Variants in ECT2 observed in about 807,000 individuals in gnomAD.
ECT2 encodes the protein protein ECT2.
In ECT2, 61 loss-of-function variants were observed where a neutral mutation model predicts 116.9. The observed-to-expected ratio is 0.52, with a 90% CI of 0.42 to 0.65. The LOEUF (loss-of-function observed/expected upper bound fraction) is 0.65. ECT2 is among the 30% of genes least tolerant of loss of function. ECT2 has a pLI of 0.00. For missense variants in ECT2, 937 were observed against 1,078.7 expected, an observed-to-expected ratio of 0.87 and a Z score of 1.84; for synonymous variants, 358 against 346.4, an observed-to-expected ratio of 1.03 and a Z score of -0.37.
chr3:172,788,297 C>T (rs1039357167), intron 18 of ECT2, among the ~76,000 whole-genome samples: 1 of 152,154 alleles, frequency 6.6e-6, no homozygotes, highest in Non-Finnish European at 1.5e-5. Flanking sequence ...AAATTGAATT[C>T]TAACAACATC....
Position 172,757,121 on chromosome 3 carries a change from G to T in ECT2, c.442G>T (p.Val148Phe). 6.4e-7 allele frequency: 1 copy of T among 1,560,568 alleles called. No individual in the cohort carries two copies. The highest frequency in any genetic ancestry group is 8.6e-7 in the Non-Finnish European group (1 of 1,159,170). ...FNDLYKADCR[V>F]IGPPVVLNCS... ...TGACCTCTACAAGGCTGATTGTAGA[G>T]TTATTGGACCACCAGTTGTATTAAA... Residue 148 changes from valine (V) to phenylalanine (F), a missense_variant, in exon 5 of 25, where the codon GTT becomes TTT. Coordinates refer to ENST00000392692, the MANE Select transcript of ECT2 (RefSeq NM_001258315.2).
At position 172,797,018 on chromosome 3, in the gene ECT2, C is replaced by CTGTGTGTGTGTGTGTGTG. The variant is rs57188529; in HGVS notation, c.1908-5580_1908-5563dup. On this transcript the variant is annotated intron_variant, in intron 18 of 24. Transcript: ENST00000392692. ...TCTCAGATTCATATATCAGGTTCAA[C>CTGTGTGTGTGTGTGTGTG]TGTGTGTGTGTGTGTGTGTGTGTGT... is the stretch of plus-strand genomic sequence containing the variant. 5.7e-3 allele frequency among the ~76,000 whole-genome samples: 796 copies of CTGTGTGTGTGTGTGTGTG among 139,110 alleles called. 10 individuals are homozygous for CTGTGTGTGTGTGTGTGTG. The highest frequency in any genetic ancestry group is 7.8e-3 in the African/African-American group (290 of 37,138). The allele number at this position is 139,110 out of a possible 152,430, so 91.3% of individuals were successfully genotyped here. A position where few individuals can be genotyped will look rare whatever the true frequency, so the allele number is the denominator to read the frequency against.
At chr3:172,796,150 A>G (rs1310152286) in intron 18 of ECT2, among the ~76,000 whole-genome samples, 1 of 152,216 alleles carries the variant, frequency 6.6e-6, no homozygotes, top group Non-Finnish European at 1.5e-5. Flanking sequence ...TGGTTGTTCC[A>G]GTATCAAAAA....
chr3:172,793,526 C>T (rs993302266), intron 18 of ECT2, among the ~76,000 whole-genome samples: 9 of 151,870 alleles, frequency 5.9e-5, no homozygotes, highest in South Asian at 2.1e-4. Context: ...TGCAGTGGCG[C>T]GATCTCTGCT....
At chr3:172,797,435 CTT>C (rs1725925447) in intron 18 of ECT2, among the ~76,000 whole-genome samples, 2 of 152,140 alleles carry the variant, frequency 1.3e-5, no homozygotes, top group Admixed American at 6.5e-5. Flanking sequence ...GTTGATAACT[CTT>C]TGCTTCAGCT....
intron 14 of ECT2, among the ~76,000 whole-genome samples, chr3:172,775,330 A>C (rs1008815283): frequency 2.0e-5 from 3 of 152,230 alleles, no homozygotes; most frequent in African/African-American, 7.2e-5. Context: ...TTTAGTATAC[A>C]TTATAAACAA....
intron 13 of ECT2, among the ~76,000 whole-genome samples, chr3:172,773,146 TTGA>T (rs1720962878): frequency 6.6e-6 from 1 of 152,220 alleles, no homozygotes; most frequent in Non-Finnish European, 1.5e-5. Flanking sequence ...TCTTACTGTG[TTGA>T]TTCTTTCAAT....
chr3:172,829,030 TG>T, the ECT2 span: 1 of 809,772 alleles, frequency 1.2e-6, no homozygotes, highest in Non-Finnish European at 2.1e-6. Flanking sequence ...TCTGGCCACC[TG>T]GAGTGGGGAG....
At chr3:172,814,039 CAA>C (rs1413181582) in intron 22 of ECT2, among the ~76,000 whole-genome samples, 1 of 151,908 alleles carries the variant, frequency 6.6e-6, no homozygotes, top group Non-Finnish European at 1.5e-5. Context: ...TAAATTGAAA[CAA>C]TATTGACATT....
intron 14 of ECT2, among the ~76,000 whole-genome samples, chr3:172,780,308 C>T (rs1305585389): frequency 6.6e-6 from 1 of 151,966 alleles, no homozygotes; most frequent in Non-Finnish European, 1.5e-5. Context: ...AAATAATATT[C>T]CATTATATGG....
In ECT2 at chr3:172,786,498, A is replaced by G; in HGVS notation, c.1831A>G (p.Lys611Glu). The G allele has an allele frequency of 6.2e-7, 1 of 1,603,676 alleles. No individual in the cohort carries two copies. The highest frequency in any genetic ancestry group is 2.2e-5 in the East Asian group (1 of 44,646). ...AAAACATTGTATTATTACAGATCTTAAGAAGCATACAGCTGATGAAAATCC... is the reference window on the plus strand; with the variant it reads ...AAAACATTGTATTATTACAGATCTTGAGAAGCATACAGCTGATGAAAATCC... ...PSVALLLNDL[K>E]KHTADENPDK... The change falls in exon 18 of 25, where the codon AAG becomes GAG. Residue 611 changes from lysine to glutamate, a missense_variant. Transcript: ENST00000392692.
intron 14 of ECT2, among the ~76,000 whole-genome samples, chr3:172,777,414 C>T (rs1218860908): frequency 6.6e-6 from 1 of 152,116 alleles, no homozygotes; most frequent in Non-Finnish European, 1.5e-5. Context: ...GACTAGCACT[C>T]ACTGTATTTT....
At position 172,762,714 on chromosome 3, in the gene ECT2, G is replaced by C. The variant is rs375708654; in HGVS notation, c.913G>C (p.Asp305His). ...AGGAGGTAAATATTTACCGCTTGGA[G>C]ATGAAAGATGCACTCACCTTGTAGT... is the stretch of plus-strand genomic sequence containing the variant. ...MQGGKYLPLGDERCTHLVVEE... is the reference protein window; with the variant it reads ...MQGGKYLPLGHERCTHLVVEE... Residue 305 changes from aspartate (D) to histidine (H), a missense_variant, in exon 10 of 25, where the codon GAT becomes CAT. Physicochemically the swap from Asp to His is moderately conservative, Grantham distance 81 (BLOSUM62 -1). Transcript: ENST00000392692. The C allele has an allele frequency of 3.1e-6, 5 of 1,611,802 alleles. No individual in the cohort carries two copies. The highest frequency in any genetic ancestry group is 4.2e-6 in the Non-Finnish European group (5 of 1,179,238).
chr3:172,757,371 A>G (rs942528506), intron 5 of ECT2, among the ~76,000 whole-genome samples: 2 of 151,922 alleles, frequency 1.3e-5, no homozygotes, highest in African/African-American at 4.8e-5. Flanking sequence ...AAAGTTAAAT[A>G]ATGATAACTG....
In ECT2 at chr3:172,755,379, G is replaced by A. The variant is rs566586291; in HGVS notation, c.210+5G>A. The A allele has an allele frequency of 3.5e-5, 55 of 1,591,328 alleles. No homozygotes were observed. In the South Asian group the frequency reaches 4.4e-4, roughly 13 times the overall value. ...GAACTTATAAAAGCCTTAAAGGTAC[G>A]GAGTTTTAGGTTTTAGTTTTTTTTG... is the stretch of plus-strand genomic sequence containing the variant. On this transcript the variant is annotated splice_donor_5th_base_variant and intron_variant, in intron 3 of 24. Transcript: ENST00000392692.
intron 13 of ECT2, among the ~76,000 whole-genome samples, chr3:172,770,848 C>G (rs1466173927): frequency 6.6e-6 from 1 of 151,484 alleles, no homozygotes; most frequent in Non-Finnish European, 1.5e-5. Flanking sequence ...GAACTTTATA[C>G]TAGAAGAGGA....
chr3:172,784,647 G>A, intron 16 of ECT2, 60 bp from the exon 17 acceptor site: 1 of 1,228,166 alleles, frequency 8.1e-7, no homozygotes, highest in Non-Finnish European at 1.2e-6. Flanking sequence ...TCCAGTAAAA[G>A]TAGGGCATAT....
chr3:172,815,946 T>C (rs1234648578), intron 23 of ECT2, among the ~76,000 whole-genome samples: 2 of 152,154 alleles, frequency 1.3e-5, no homozygotes, highest in Non-Finnish European at 2.9e-5. Flanking sequence ...TGAACTATCC[T>C]GCAGTAGAAA....
At chr3:172,817,234 T>A (rs536600361) in intron 24 of ECT2, among the ~76,000 whole-genome samples, 21 of 152,248 alleles carry the variant, frequency 1.4e-4, no homozygotes, top group Admixed American at 1.3e-3. Context: ...TAGTGCACTT[T>A]AAACCTTGGC....
Sources: allele counts gnomAD v4.1 joint callset (sites outside exome capture counted in the v4.1 genomes callset), GRCh38; gene constraint gnomAD v4.1.1; transcripts MANE v1.5; gene names NCBI Gene and HGNC (gene_info 2026-07-23, HGNC 2026-07-21).